The following SLC24A4 variants were observed in gnomAD, a reference collection of about 807,000 sequenced individuals.
SLC24A4 encodes the protein solute carrier family 24 member 4.
In SLC24A4, 53 loss-of-function variants were observed where a neutral mutation model predicts 79.0. The observed-to-expected ratio is 0.67, with a 90% confidence interval of 0.54 to 0.84. The LOEUF (loss-of-function observed/expected upper bound fraction) is 0.84, where lower values mean the gene tolerates loss of function less well. Ranked by LOEUF, SLC24A4 falls within the 40% of genes least tolerant of loss-of-function variation. SLC24A4 has a pLI of 0.00. For synonymous variants in SLC24A4, 323 were observed against 323.8 expected (o/e 1.00, Z 0.03); for missense variants, 731 against 822.0 (o/e 0.89, Z 1.35).
At chr14:92,427,603 A>G (rs1891635450) in intron 2 of SLC24A4, among the ~76,000 whole-genome samples, 1 of 152,248 alleles carries the variant, frequency 6.6e-6, no homozygotes, top group Admixed American at 6.5e-5. Context: ...GCAGATCAGC[A>G]GTAGGATTGC....
At chr14:92,402,995 A>T (rs1207299887) in intron 2 of SLC24A4, among the ~76,000 whole-genome samples, 3 of 152,102 alleles carry the variant, frequency 2.0e-5, no homozygotes, top group Admixed American at 6.5e-5. Flanking sequence ...TTTAGCAGAG[A>T]TCCTCCCAGG....
intron 6 of SLC24A4, 81 bp from the exon 7 acceptor site, chr14:92,443,319 G>GC: frequency 7.4e-7 from 1 of 1,352,130 alleles, no homozygotes; most frequent in Non-Finnish European, 1.1e-6. Context: ...GCCCTGCACT[G>GC]CGGGGGGAGG....
intron 2 of SLC24A4, among the ~76,000 whole-genome samples, chr14:92,352,447 G>A (rs1004080117): frequency 3.9e-5 from 6 of 152,186 alleles, no homozygotes; most frequent in African/African-American, 1.4e-4. Flanking sequence ...GGGAGATGAG[G>A]CCATAAGGTT....
chr14:92,401,876 T>C (rs1263266745), intron 2 of SLC24A4, among the ~76,000 whole-genome samples: 1 of 152,134 alleles, frequency 6.6e-6, no homozygotes, highest in Non-Finnish European at 1.5e-5. Context: ...TTTCTTGGTG[T>C]CCAGACCAGA....
At chr14:92,371,343 A>G (rs942508089) in intron 2 of SLC24A4, among the ~76,000 whole-genome samples, 1 of 152,198 alleles carries the variant, frequency 6.6e-6, no homozygotes, top group Non-Finnish European at 1.5e-5. Flanking sequence ...GGGGATACCT[A>G]CAACTACAAA....
intron 10 of SLC24A4, 136 bp from the exon 11 acceptor site, chr14:92,453,764 C>T (rs978508806): frequency 4.4e-6 from 4 of 918,104 alleles, no homozygotes; most frequent in Non-Finnish European, 6.3e-6. Context: ...AGCCAGGCAT[C>T]CAGACTTCCC....
In SLC24A4 at chr14:92,353,797, G is replaced by A. The variant is rs1209402800; in HGVS notation, c.241+27819G>A. On this transcript the variant is annotated intron_variant, in intron 2 of 16. Coordinates refer to ENST00000532405, the MANE Select transcript of SLC24A4 (RefSeq NM_153646.4). This position sits in a 1 kb window ranked among gnomAD's most constrained non-coding sequence, Gnocchi z 4.1. Reference sequence around the variant, plus strand: ...CCCAGAGATAAATCTAGCATGGCCAGGGGAGGCATCTTGAGTGTTCAGTTC... The same window carrying A: ...CCCAGAGATAAATCTAGCATGGCCAAGGGAGGCATCTTGAGTGTTCAGTTC... Among the ~76,000 whole-genome samples, 1 of 152,172 alleles carries A rather than the reference G, an allele frequency of 6.6e-6. No homozygotes were observed. Among genetic ancestry groups the A allele is most frequent in the East Asian group, 1.9e-4 (1 of 5,202 alleles).
intron 2 of SLC24A4, among the ~76,000 whole-genome samples, chr14:92,404,305 TAA>T (rs1890260843): frequency 6.6e-6 from 1 of 152,216 alleles, no homozygotes; most frequent in South Asian, 2.1e-4. Context: ...GTGATCTTTC[TAA>T]AAGAGGAATC....
intron 12 of SLC24A4, among the ~76,000 whole-genome samples, chr14:92,477,929 C>T (rs1457416041): frequency 6.6e-6 from 1 of 151,934 alleles, no homozygotes; most frequent in Non-Finnish European, 1.5e-5. Context: ...GCCTCAGCCT[C>T]CCAAGTAGCT....
At chr14:92,366,819 A>G (rs1887868565) in intron 2 of SLC24A4, among the ~76,000 whole-genome samples, 1 of 152,200 alleles carries the variant, frequency 6.6e-6, no homozygotes, top group Non-Finnish European at 1.5e-5. Flanking sequence ...GATTTTTAAA[A>G]CAACCCTGGA....
chr14:92,465,757 C>T (rs1490978865), intron 12 of SLC24A4, among the ~76,000 whole-genome samples: 3 of 152,140 alleles, frequency 2.0e-5, no homozygotes, highest in East Asian at 1.9e-4. Context: ...TCCCGACCCC[C>T]GAGAGCTCTC....
intron 2 of SLC24A4, among the ~76,000 whole-genome samples, chr14:92,377,161 G>A (rs1433416678): frequency 6.6e-6 from 1 of 152,192 alleles, no homozygotes; most frequent in Non-Finnish European, 1.5e-5. Context: ...GGCAGAGCTG[G>A]GTTTCGAACT....
intron 2 of SLC24A4, among the ~76,000 whole-genome samples, chr14:92,405,016 A>G (rs1028409709): frequency 2.0e-5 from 3 of 152,204 alleles, no homozygotes; most frequent in Non-Finnish European, 2.9e-5. Flanking sequence ...TCCTGGTGTT[A>G]TAGGCGGGTA....
At chr14:92,453,344 T>C (rs894909390) in intron 10 of SLC24A4, 8 of 152,342 alleles carry the variant, frequency 5.3e-5, no homozygotes, top group African/African-American at 1.9e-4. Flanking sequence ...TACTTGCCCT[T>C]ATAAAGAACA....
chr14:92,390,829 A>G (rs959961003), intron 2 of SLC24A4, among the ~76,000 whole-genome samples: 1 of 152,234 alleles, frequency 6.6e-6, no homozygotes, highest in Non-Finnish European at 1.5e-5. Flanking sequence ...TGAACCGGAT[A>G]ATGCCAGCTG....
chr14:92,499,285 T>C lies in SLC24A4; in HGVS notation c.*5657T>C, dbSNP rs1180771755. ...GCTGACAGTATACTCTCGTCTAGTC[T>C]AGGAACATGTCTGCTGCTGGGATAC... On this transcript the variant is annotated 3_prime_UTR_variant, in exon 17 of 17. Transcript: ENST00000532405. The C allele has an allele frequency of 3.3e-5, 5 of 152,208 alleles. No individual in the cohort carries two copies. Among genetic ancestry groups the C allele is most frequent in the Non-Finnish European group, 7.3e-5 (5 of 68,048 alleles). 9.4% of individuals were successfully genotyped at this position (152,208 alleles called of 1,614,324 possible). A position where few individuals can be genotyped will look rare whatever the true frequency, so the allele number is the denominator to read the frequency against.
In SLC24A4 at chr14:92,323,783, G is replaced by A; in HGVS notation, c.-48G>A. On this transcript the variant is annotated 5_prime_UTR_variant, in exon 1 of 17. Transcript: ENST00000532405. This position sits in a 1 kb window ranked among gnomAD's most constrained non-coding sequence, Gnocchi z 4.9. The stretch of plus-strand genomic sequence containing the variant: ...CTCGGCCACTGATTGCACTCTGGCC[G>A]CTGAAGCTCCCCATCCTCTCCCAGA... The A allele has an allele frequency of 6.6e-7, 1 of 1,525,966 alleles. No homozygotes were observed. Among genetic ancestry groups the A allele is most frequent in the Non-Finnish European group, 8.8e-7 (1 of 1,141,826 alleles). The allele number at this position is 1,525,966 out of a possible 1,614,324, so 94.5% of individuals were successfully genotyped here. A position where few individuals can be genotyped will look rare whatever the true frequency, so the allele number is the denominator to read the frequency against.
chr14:92,449,744 G>A (rs975659690), intron 10 of SLC24A4, among the ~76,000 whole-genome samples: 1 of 152,238 alleles, frequency 6.6e-6, no homozygotes, highest in African/African-American at 2.4e-5. Flanking sequence ...ACATGAAGCT[G>A]AGCAGGCATC....
At position 92,456,577 on chromosome 14, in the gene SLC24A4, G is replaced by A. The variant is rs769242283; in HGVS notation, c.1224G>A (p.Glu408=). ...CACCGCCAGAGCCAGAGCCGGTGGAGGCTGACTTCCTGTCCCCCTTCTCCG... is the reference window on the plus strand; with the variant it reads ...CACCGCCAGAGCCAGAGCCGGTGGAAGCTGACTTCCTGTCCCCCTTCTCCG... ...QPPPPEPEPV[E]ADFLSPFSVP... The change falls in exon 12 of 17, where the codon GAG becomes GAA. Residue 408 remains glutamate (E), a synonymous_variant. Coordinates refer to ENST00000532405, the MANE Select transcript of SLC24A4 (RefSeq NM_153646.4). 2 of 1,613,918 alleles carry A rather than the reference G, an allele frequency of 1.2e-6. No homozygotes were observed. Among genetic ancestry groups the A allele is most frequent in the Admixed American group, 1.7e-5 (1 of 60,032 alleles).
Sources: allele counts gnomAD v4.1 joint callset (sites outside exome capture counted in the v4.1 genomes callset), GRCh38; gene constraint gnomAD v4.1.1; non-coding constraint Gnocchi (gnomAD v3.1); transcripts MANE v1.5; gene names NCBI Gene and HGNC (gene_info 2026-07-23, HGNC 2026-07-21).